NLGN1: variants seen among roughly 807,000 people sequenced by gnomAD.
NLGN1 encodes the protein neuroligin-1.
Under a neutral mutation model 65.5 loss-of-function variants are expected in NLGN1, and 12 were observed. That is an observed-to-expected ratio of 0.18 (90% CI 0.12 to 0.30). The LOEUF (loss-of-function observed/expected upper bound fraction) is 0.30. Among genes scored for constraint, NLGN1 ranks in the 10% least tolerant of loss-of-function variants. NLGN1 has a pLI of 1.00. For missense variants in NLGN1, 750 were observed against 1,007.1 expected, an observed-to-expected ratio of 0.74 and a Z score of 3.46; for synonymous variants, 350 against 359.5, an observed-to-expected ratio of 0.97 and a Z score of 0.30.
chr3:173,935,626 T>A (rs199737271), intron 4 of NLGN1, among the ~76,000 whole-genome samples: 2,634 of 58,850 alleles, frequency 0.045, 32 homozygotes, highest in Non-Finnish European at 0.067. Context: ...ACACACACTC[T>A]CTCTCTCTCT....
intron 3 of NLGN1, among the ~76,000 whole-genome samples, chr3:173,675,445 AAAACAAAC>A (rs10590814): frequency 1.3e-5 from 2 of 151,942 alleles, no homozygotes; most frequent in Non-Finnish European, 1.5e-5. Context: ...ACAATTTATT[AAAACAAAC>A]AAACAAAGAA....
chr3:174,275,466 T>C (rs139886226), exon 5 of NLGN1: 10 of 1,612,548 alleles, frequency 6.2e-6, no homozygotes, highest in Non-Finnish European at 7.6e-6. Flanking sequence ...GGGGTTCATG[T>C]GTCAACCTGC....
At chr3:173,584,371 A>C (rs111921602) in intron 2 of NLGN1, among the ~76,000 whole-genome samples, 1 of 123,496 alleles carries the variant, frequency 8.1e-6, no homozygotes, top group Admixed American at 8.8e-5. Context: ...GTAGAAACCT[A>C]TATTAGGGTA....
intron 4 of NLGN1, among the ~76,000 whole-genome samples, chr3:173,852,469 C>T (rs1315795374): frequency 6.7e-6 from 1 of 149,472 alleles, no homozygotes; most frequent in Non-Finnish European, 1.5e-5. Context: ...TCTAAGGCTT[C>T]ATCAGTTTCA....
intron 1 of NLGN1, among the ~76,000 whole-genome samples, chr3:173,409,566 T>C (rs1166267113): frequency 6.6e-6 from 1 of 152,220 alleles, no homozygotes; most frequent in Non-Finnish European, 1.5e-5. Context: ...TTCCAACTCC[T>C]GATTTCCTGT....
intron 4 of NLGN1, among the ~76,000 whole-genome samples, chr3:174,196,624 T>C (rs1397449434): frequency 6.6e-6 from 1 of 152,214 alleles, no homozygotes; most frequent in Non-Finnish European, 1.5e-5. Flanking sequence ...CCCTTGTTTC[T>C]GTAACATTTT....
At chr3:173,632,824 C>T (rs932027793) in intron 3 of NLGN1, among the ~76,000 whole-genome samples, 3 of 146,190 alleles carry the variant, frequency 2.1e-5, no homozygotes, top group Non-Finnish European at 4.5e-5. Context: ...TAGAGAAGTC[C>T]TCCTTGAGTA....
Position 174,089,136 on chromosome 3 carries a change from A to C in NLGN1, c.647-186179A>C, listed in dbSNP as rs572695876. On this transcript the variant is annotated intron_variant, in intron 4 of 6. Coordinates refer to ENST00000457714, the Ensembl canonical transcript of NLGN1. ...TGACACAGTCAATAGATCCCAACTC[A>C]GTGTATATTGTACTTTCTATATTTT... Among the ~76,000 whole-genome samples the C allele has an allele frequency of 7.9e-5, 12 of 152,336 alleles. No homozygotes were observed. The East Asian group carries it at 2.3e-3, about 29-fold the overall frequency.
At chr3:173,693,151 C>A (rs1765714896) in intron 3 of NLGN1, among the ~76,000 whole-genome samples, 1 of 152,080 alleles carries the variant, frequency 6.6e-6, no homozygotes, top group African/African-American at 2.4e-5. Context: ...GCAAGTGATT[C>A]TGACATCTCA....
At chr3:173,917,244 G>A (rs1036830640) in intron 4 of NLGN1, among the ~76,000 whole-genome samples, 1 of 152,136 alleles carries the variant, frequency 6.6e-6, no homozygotes, top group African/African-American at 2.4e-5. Flanking sequence ...ATTACAAAGA[G>A]ACAATAATCT....
intron 2 of NLGN1, among the ~76,000 whole-genome samples, chr3:173,570,351 C>T (rs1368069501): frequency 6.6e-6 from 1 of 152,122 alleles, no homozygotes; most frequent in African/African-American, 2.4e-5. Flanking sequence ...CTTAGAGAGG[C>T]AGTGTGTGGA....
intron 4 of NLGN1, among the ~76,000 whole-genome samples, chr3:174,084,413 T>A (rs2152555522): frequency 6.6e-6 from 1 of 152,250 alleles, no homozygotes; most frequent in African/African-American, 2.4e-5. Context: ...CTCCAGATTT[T>A]ACATTTTTAA....
At chr3:173,508,594 T>A (rs554719205) in intron 2 of NLGN1, among the ~76,000 whole-genome samples, 1 of 152,284 alleles carries the variant, frequency 6.6e-6, no homozygotes, top group Admixed American at 6.5e-5. Flanking sequence ...AAGTGGTTTT[T>A]CCTCTATGGT....
intron 4 of NLGN1, among the ~76,000 whole-genome samples, chr3:174,173,417 G>A (rs1033764507): frequency 6.6e-5 from 10 of 151,874 alleles, no homozygotes; most frequent in African/African-American, 9.7e-5. Context: ...CAGTTTTTCC[G>A]CTTTCAGTGT....
intron 3 of NLGN1, among the ~76,000 whole-genome samples, chr3:173,714,221 G>A (rs572559854): frequency 3.9e-5 from 6 of 152,132 alleles, no homozygotes; most frequent in African/African-American, 1.4e-4. Flanking sequence ...AAATACATTT[G>A]GTGTTCAAAA....
At chr3:173,562,238 A>G (rs952065482) in intron 2 of NLGN1, among the ~76,000 whole-genome samples, 13 of 152,178 alleles carry the variant, frequency 8.5e-5, no homozygotes, top group Non-Finnish European at 2.9e-5. Context: ...TGTCTTGGCC[A>G]TGAGGAATGC....
Position 173,773,991 on chromosome 3 carries a change from G to T in NLGN1, c.494-33689G>T, listed in dbSNP as rs150242741. Among the ~76,000 whole-genome samples, 215 of 152,266 alleles carry T rather than the reference G, an allele frequency of 1.4e-3. 1 individual carries two copies. Among genetic ancestry groups the T allele is most frequent in the Admixed American group, 2.6e-3 (39 of 15,278 alleles). On this transcript the variant is annotated intron_variant, in intron 3 of 6. Coordinates refer to ENST00000457714, the Ensembl canonical transcript of NLGN1. ...GTAGCACACCCGAAGTCATAAGGTG[G>T]TAATATGTGTGCGTGTCTAAGAAAC...
intron 3 of NLGN1, among the ~76,000 whole-genome samples, chr3:173,675,868 G>GTCTCTCTCTCTCTC (rs10635715): frequency 7.2e-4 from 95 of 132,604 alleles, no homozygotes; most frequent in Middle Eastern, 4.0e-3. Context: ...CTCTCTCTTT[G>GTCTCTCTCTCTCTC]TCTCTCTCTC....
intron 1 of NLGN1, among the ~76,000 whole-genome samples, chr3:173,414,863 C>CAGATA (rs1387411286): frequency 3.0e-4 from 46 of 152,270 alleles, no homozygotes; most frequent in Non-Finnish European, 1.5e-5. Flanking sequence ...CAATAGGAAT[C>CAGATA]AGATAAGAAA....
Sources: gnomAD v4.1 joint callset for allele counts (sites outside exome capture counted in the v4.1 genomes callset) on GRCh38, gnomAD v4.1.1 for gene constraint, MANE v1.5 for transcripts, NCBI Gene and HGNC (gene_info 2026-07-23, HGNC 2026-07-21) for gene names.